ANO3: variants seen among roughly 807,000 people sequenced by gnomAD.
The protein encoded by ANO3 is anoctamin 3.
In ANO3, 99 loss-of-function variants were observed where a neutral mutation model predicts 144.8. The observed-to-expected ratio is 0.68, with a 90% CI of 0.58 to 0.81. The LOEUF is 0.81. Ranked by LOEUF, ANO3 falls within the 30% of genes least tolerant of loss-of-function variation. The probability of loss-of-function intolerance (pLI) is 0.00; values close to 1 mark genes in which losing one functional copy is unlikely to be tolerated. For missense variants in ANO3, 905 were observed against 1,202.2 expected (o/e 0.75, Z 3.66); for synonymous variants, 414 against 392.6 (o/e 1.05, Z -0.64).
Position 26,505,983 on chromosome 11 carries a change from ACT to A in ANO3, c.433-2118_433-2117del, listed in dbSNP as rs530645943. Among the ~76,000 whole-genome samples the A allele has an allele frequency of 4.4e-3, 418 of 95,964 alleles. 3 individuals carry two copies. Among genetic ancestry groups the A allele is most frequent in the African/African-American group, 0.016 (392 of 23,768 alleles). 63.0% of individuals were successfully genotyped at this position (95,964 alleles called of 152,430 possible). On this transcript the variant is annotated intron_variant, in intron 4 of 26. Transcript: ENST00000256737. Reference sequence around the variant, plus strand: ...ACTCCAGCCTGGGCTACAGAGCGAGACTCTGTCTCAAAAAAAAAAAAAAAAAA... The same window carrying A: ...ACTCCAGCCTGGGCTACAGAGCGAGACTGTCTCAAAAAAAAAAAAAAAAAA...
At chr11:26,516,072 T>C (rs1001591451) in intron 5 of ANO3, among the ~76,000 whole-genome samples, 3 of 151,896 alleles carry the variant, frequency 2.0e-5, no homozygotes, top group Non-Finnish European at 4.4e-5. Flanking sequence ...GATTCTCTTA[T>C]TCAAAAGGGT....
chr11:26,250,377 T>C (rs1461616864), intron 1 of ANO3, among the ~76,000 whole-genome samples: 1 of 152,204 alleles, frequency 6.6e-6, no homozygotes, highest in Non-Finnish European at 1.5e-5. Context: ...TTTTATTATA[T>C]CCTGAGCTGA....
intron 8 of ANO3, among the ~76,000 whole-genome samples, chr11:26,533,920 A>G (rs943448189): frequency 1.3e-5 from 2 of 152,214 alleles, no homozygotes; most frequent in African/African-American, 4.8e-5. Flanking sequence ...GATTCCCAGC[A>G]TACTATAAAG....
intron 1 of ANO3, among the ~76,000 whole-genome samples, chr11:26,388,995 A>G (rs1166015193): frequency 6.6e-6 from 1 of 152,158 alleles, no homozygotes; most frequent in Non-Finnish European, 1.5e-5. Flanking sequence ...AGAAAAGCCA[A>G]ATACTCAAGG....
At chr11:26,460,439 G>GGAAGGAAA (rs1209321446) in intron 3 of ANO3, among the ~76,000 whole-genome samples, 4 of 68,332 alleles carry the variant, frequency 5.9e-5, no homozygotes, top group African/African-American at 1.8e-4. Flanking sequence ...GCGGGCGGGT[G>GGAAGGAAA]GAAGGAAAGA....
intron 7 of ANO3, among the ~76,000 whole-genome samples, chr11:26,529,076 C>T (rs1327577530): frequency 8.4e-6 from 1 of 118,926 alleles, no homozygotes; most frequent in Non-Finnish European, 1.7e-5. Context: ...TCAAATTATA[C>T]ATGGCAATTA....
intron 1 of ANO3, among the ~76,000 whole-genome samples, chr11:26,393,116 T>A (rs1359569393): frequency 2.0e-5 from 3 of 152,158 alleles, no homozygotes; most frequent in Non-Finnish European, 4.4e-5. Flanking sequence ...CATGGCTGAT[T>A]GAAGCAACTG....
At chr11:26,218,120 T>A (rs1179994317) in intron 1 of ANO3, among the ~76,000 whole-genome samples, 3 of 152,152 alleles carry the variant, frequency 2.0e-5, no homozygotes, top group African/African-American at 7.2e-5. Flanking sequence ...AGCATTCTTT[T>A]AGTGCACAAT....
chr11:26,271,859 C>T (rs1488104535), intron 1 of ANO3, among the ~76,000 whole-genome samples: 1 of 151,978 alleles, frequency 6.6e-6, no homozygotes, highest in East Asian at 1.9e-4. Flanking sequence ...ATGCTCAATA[C>T]TTAATATTAT....
intron 14 of ANO3, among the ~76,000 whole-genome samples, chr11:26,589,814 A>G (rs1730396357): frequency 6.6e-6 from 1 of 152,220 alleles, no homozygotes; most frequent in Admixed American, 6.5e-5. Flanking sequence ...GCATCATTCC[A>G]TGCATGGGTG....
In ANO3 at chr11:26,334,816, T is replaced by A. The variant is rs148636059; in HGVS notation, c.46+2495T>A. Among the ~76,000 whole-genome samples the A allele has an allele frequency of 4.5e-3, 691 of 152,336 alleles. 6 individuals carry two copies. Among genetic ancestry groups the A allele is most frequent in the African/African-American group, 0.016 (655 of 41,568 alleles). On this transcript the variant is annotated intron_variant, in intron 1 of 26. Coordinates refer to ENST00000256737, the MANE Select transcript of ANO3 (RefSeq NM_031418.4). ...GTTTTATTCAAGTGAGCTCAATGTC[T>A]CTTTTAAAAATTTTGATTTCAACTT...
intron 1 of ANO3, among the ~76,000 whole-genome samples, chr11:26,373,198 A>G (rs1189856553): frequency 6.6e-6 from 1 of 152,146 alleles, no homozygotes; most frequent in Non-Finnish European, 1.5e-5. Flanking sequence ...TGGTTTGGAT[A>G]TGTATCTCCA....
intron 1 of ANO3, among the ~76,000 whole-genome samples, chr11:26,356,269 G>C (rs747984613): frequency 6.6e-6 from 1 of 151,904 alleles, no homozygotes; most frequent in Non-Finnish European, 1.5e-5. Context: ...TAAACTACAC[G>C]TACTTAAAAG....
At chr11:26,293,798 A>G (rs1476678962) in intron 1 of ANO3, among the ~76,000 whole-genome samples, 2 of 151,982 alleles carry the variant, frequency 1.3e-5, no homozygotes, top group Admixed American at 6.6e-5. Context: ...TGTGCTTTGC[A>G]TATGCTTTTC....
intron 1 of ANO3, among the ~76,000 whole-genome samples, chr11:26,189,959 A>C (rs1163413981): frequency 6.6e-6 from 1 of 152,150 alleles, no homozygotes; most frequent in Non-Finnish European, 1.5e-5. Flanking sequence ...AATAGTTTGC[A>C]TTCATCAAAA....
chr11:26,369,806 C>A (rs1381193484), intron 1 of ANO3, among the ~76,000 whole-genome samples: 1 of 152,100 alleles, frequency 6.6e-6, no homozygotes, highest in Non-Finnish European at 1.5e-5. Context: ...AAATTGGAAT[C>A]TTCCCAGTTT....
At chr11:26,456,247 T>G (rs1859154166) in intron 3 of ANO3, among the ~76,000 whole-genome samples, 1 of 152,030 alleles carries the variant, frequency 6.6e-6, no homozygotes, top group Non-Finnish European at 1.5e-5. Flanking sequence ...ACTAAAGAGC[T>G]TCTGCACAGC....
At chr11:26,540,672 G>T (rs1388228088) in intron 10 of ANO3, among the ~76,000 whole-genome samples, 5 of 152,130 alleles carry the variant, frequency 3.3e-5, no homozygotes, top group Non-Finnish European at 7.4e-5. Flanking sequence ...AGACATTTAT[G>T]GGGCCAACAA....
intron 1 of ANO3, among the ~76,000 whole-genome samples, chr11:26,296,971 A>C (rs10834958): frequency 0.25 from 38,320 of 151,970 alleles, 6,946 homozygotes; most frequent in African/African-American, 0.52. Context: ...AATCATTATT[A>C]AAAATACACT....
Sources: gnomAD v4.1 joint callset for allele counts (sites outside exome capture counted in the v4.1 genomes callset) on GRCh38, gnomAD v4.1.1 for gene constraint, MANE v1.5 for transcripts, NCBI Gene and HGNC (gene_info 2026-07-23, HGNC 2026-07-21) for gene names.